Variants in CD99 observed in about 807,000 individuals in gnomAD.
CD99 encodes CD99 molecule (Xg blood group).
Under a neutral mutation model 28.4 loss-of-function variants are expected in CD99, and 19 were observed. The observed-to-expected ratio is 0.67, with a 90% CI of 0.47 to 0.98. The LOEUF (loss-of-function observed/expected upper bound fraction) is 0.98. CD99 is among the 50% of genes least tolerant of loss of function. The probability of loss-of-function intolerance (pLI) is 0.00; values close to 1 mark genes in which losing one functional copy is unlikely to be tolerated. For missense variants in CD99, 283 were observed against 248.8 expected (o/e 1.14, Z -0.92); for synonymous variants, 103 against 92.1 (o/e 1.12, Z -0.67).
At chrX:2,703,995 G>T (rs1245334678) in intron 1 of CD99, among the ~76,000 whole-genome samples, 3 of 151,994 alleles carry the variant, frequency 2.0e-5, no homozygotes, top group Non-Finnish European at 4.4e-5. Context: ...TCCTGAAGGC[G>T]GGGTCCTTCA....
chrX:2,735,342 G>A lies in CD99; in HGVS notation c.476-2858G>A, dbSNP rs2049880027. ...AGAAAAGCACCACGAATTGTTTGAA[G>A]TTGACTTGTCAGATGTGGCATGCTT... On this transcript the variant is annotated intron_variant, in intron 8 of 9. Transcript: ENST00000381192. Among the ~76,000 whole-genome samples, 3 of 152,208 alleles carry A rather than the reference G, an allele frequency of 2.0e-5. No homozygotes were observed. In the South Asian group the frequency reaches 6.2e-4, roughly 31 times the overall value.
At chrX:2,697,854 C>T (rs1252282309) in intron 1 of CD99, among the ~76,000 whole-genome samples, 2 of 151,850 alleles carry the variant, frequency 1.3e-5, no homozygotes, top group East Asian at 1.9e-4. Flanking sequence ...ATTGAACACT[C>T]GGAGAGAAGT....
intron 1 of CD99, among the ~76,000 whole-genome samples, chrX:2,709,845 A>G (rs1313475739): frequency 6.6e-6 from 1 of 152,154 alleles, no homozygotes; most frequent in Non-Finnish European, 1.5e-5. Flanking sequence ...AGAGGTGCCC[A>G]GCAAGAAGCA....
rs760363965 is a variant in CD99 at position 2,733,369 on chromosome X, C to G, written c.476-4831C>G. 46 of 1,591,986 alleles carry G rather than the reference C, an allele frequency of 2.9e-5. No individual in the cohort carries two copies. In the African/African-American group the frequency reaches 5.8e-4, roughly 20 times the overall value. On this transcript the variant is annotated intron_variant, in intron 8 of 9. Coordinates refer to ENST00000381192, the MANE Select transcript of CD99 (RefSeq NM_002414.5). The stretch of plus-strand genomic sequence containing the variant: ...CCTTCCATTTCAGATGGCTGAAGAC[C>G]TAGGGGTGAGCAGAGAACCCAGCCC...
At chrX:2,717,435 C>T in intron 2 of CD99, 170 bp from the exon 3 acceptor site, 1 of 620,394 alleles carries the variant, frequency 1.6e-6, no homozygotes. Flanking sequence ...GTCTTCTGGG[C>T]TCAAGAGTCG....
At position 2,706,042 on chromosome X, in the gene CD99, C is replaced by T. The variant is rs768879261; in HGVS notation, c.68-8380C>T. 5.5e-5 allele frequency among the ~76,000 whole-genome samples: 8 copies of T among 146,482 alleles called. No homozygotes were observed. In the East Asian group the frequency reaches 1.6e-3, roughly 29 times the overall value. On this transcript the variant is annotated intron_variant, in intron 1 of 9. Transcript: ENST00000381192. ...GTCAGACCATGTGACTGGTTCCACT[C>T]GACCTCCAAAACGTTAAAAAGAAAA...
intron 1 of CD99, among the ~76,000 whole-genome samples, chrX:2,702,810 C>T (rs1353501921): frequency 6.6e-6 from 1 of 151,580 alleles, no homozygotes. Flanking sequence ...TGGATGGAGT[C>T]TCCCTCTTTC....
intron 1 of CD99, among the ~76,000 whole-genome samples, chrX:2,707,219 A>G (rs1334061001): frequency 1.3e-5 from 2 of 152,034 alleles, no homozygotes; most frequent in Non-Finnish European, 2.9e-5. Flanking sequence ...AGTCCCAGCT[A>G]CTGGGGAAGC....
At chrX:2,700,194 A>G (rs192618517) in intron 1 of CD99, among the ~76,000 whole-genome samples, 2 of 152,256 alleles carry the variant, frequency 1.3e-5, no homozygotes, top group Admixed American at 1.3e-4. Context: ...CTTCACCACT[A>G]GTGTGACTTG....
At chrX:2,738,958 C>G (rs1365102744) in intron 9 of CD99, among the ~76,000 whole-genome samples, 1 of 152,024 alleles carries the variant, frequency 6.6e-6, no homozygotes, top group Non-Finnish European at 1.5e-5. Context: ...AGGGATCCTC[C>G]CACCTCAGCC....
intron 2 of CD99, 108 bp from the exon 3 acceptor site, chrX:2,717,497 A>G: frequency 1.1e-6 from 1 of 913,060 alleles, no homozygotes; most frequent in South Asian, 1.4e-5. Context: ...AATGCTAAAA[A>G]CATTCTCCGA....
intron 5 of CD99, among the ~76,000 whole-genome samples, 196 bp downstream of exon 5, chrX:2,720,620 CT>C (rs71281938): frequency 0.17 from 14,398 of 83,336 alleles, 349 homozygotes; most frequent in African/African-American, 0.2. Flanking sequence ...TTTTAGTTTG[CT>C]TTTTTTTTTT....
intron 1 of CD99, among the ~76,000 whole-genome samples, chrX:2,703,114 G>C (rs1198122854): frequency 6.6e-6 from 1 of 152,132 alleles, no homozygotes; most frequent in Non-Finnish European, 1.5e-5. Context: ...AATAGCACAT[G>C]TTCTCAGCTG....
chrX:2,715,538 T>G (rs1402278196), intron 2 of CD99: 1 of 152,272 alleles, frequency 6.6e-6, no homozygotes. Flanking sequence ...GTCATTGGGT[T>G]TAGGGCCACT....
intron 9 of CD99, among the ~76,000 whole-genome samples, chrX:2,740,017 G>T (rs189886741): frequency 3.1e-4 from 47 of 151,574 alleles, no homozygotes; most frequent in Admixed American, 1.1e-3. Flanking sequence ...GCTTGAACCC[G>T]GGAGGCGGAG....
intron 7 of CD99, among the ~76,000 whole-genome samples, chrX:2,725,098 TAA>T (rs748563247): frequency 2.8e-4 from 29 of 102,926 alleles, no homozygotes; most frequent in African/African-American, 5.1e-4. Flanking sequence ...TGGAATAACA[TAA>T]AAAAAAAAAA....
intron 1 of CD99, among the ~76,000 whole-genome samples, chrX:2,693,123 GT>G (rs1320644686): frequency 2.0e-5 from 3 of 150,134 alleles, no homozygotes; most frequent in Non-Finnish European, 4.4e-5. Context: ...TCGTTGCACA[GT>G]TTTTTTGTTT....
At chrX:2,705,203 A>G (rs1349726690) in intron 1 of CD99, among the ~76,000 whole-genome samples, 1 of 152,210 alleles carries the variant, frequency 6.6e-6, no homozygotes, top group Non-Finnish European at 1.5e-5. Flanking sequence ...GGTTAAATCT[A>G]AAGTGTAGGA....
At chrX:2,695,425 T>C (rs1340989891) in intron 1 of CD99, among the ~76,000 whole-genome samples, 1 of 151,818 alleles carries the variant, frequency 6.6e-6, no homozygotes, top group Non-Finnish European at 1.5e-5. Flanking sequence ...GGCTGAAAAA[T>C]ATTTTTTTGA....
Sources: gnomAD v4.1 joint callset for allele counts (sites outside exome capture counted in the v4.1 genomes callset) on GRCh38, gnomAD v4.1.1 for gene constraint, MANE v1.5 for transcripts, NCBI Gene and HGNC (gene_info 2026-07-23, HGNC 2026-07-21) for gene names.